ZHX2: variants seen among roughly 807,000 people sequenced by gnomAD.
The protein encoded by ZHX2 is zinc fingers and homeoboxes protein 2.
Under a neutral mutation model 21.9 loss-of-function variants are expected in ZHX2, and 6 were observed. The ratio of observed to expected loss-of-function variants is 0.27; its 90% CI spans 0.15 to 0.54. The LOEUF is 0.54. Ranked by LOEUF, ZHX2 falls within the 20% of genes least tolerant of loss-of-function variation. The probability of loss-of-function intolerance (pLI) is 0.95; values close to 1 mark genes in which losing one functional copy is unlikely to be tolerated. For missense variants in ZHX2, 908 were observed against 1,090.7 expected, an observed-to-expected ratio of 0.83 and a Z score of 2.36; for synonymous variants, 434 against 437.1, an observed-to-expected ratio of 0.99 and a Z score of 0.09.
chr8:122,919,415 C>T (rs1309522244), intron 2 of ZHX2, among the ~76,000 whole-genome samples: 1 of 152,162 alleles, frequency 6.6e-6, no homozygotes, highest in African/African-American at 2.4e-5. Context: ...GGAGCGTGAC[C>T]GTCATTCATT....
intron 2 of ZHX2, among the ~76,000 whole-genome samples, chr8:122,884,283 G>C (rs548482687): frequency 6.6e-6 from 1 of 152,296 alleles, no homozygotes; most frequent in African/African-American, 2.4e-5. Context: ...ATATGGCTCC[G>C]TTCAGTCGGA....
At chr8:122,808,659 T>C (rs1817868914) in intron 1 of ZHX2, 3 of 152,206 alleles carry the variant, frequency 2.0e-5, no homozygotes, top group Non-Finnish European at 4.4e-5. Context: ...GAGCACTGGC[T>C]GTGGTCAGGA....
chr8:122,913,552 C>T (rs1467086966), intron 2 of ZHX2, among the ~76,000 whole-genome samples: 1 of 152,184 alleles, frequency 6.6e-6, no homozygotes, highest in African/African-American at 2.4e-5. Context: ...AGGTGGGACT[C>T]TCCCTCTGAG....
Position 122,782,362 on chromosome 8 carries a change from A to G in ZHX2, c.-283+416A>G, listed in dbSNP as rs1405843544. On this transcript the variant is annotated intron_variant, in intron 1 of 3. Transcript: ENST00000314393. This position sits in a 1 kb window ranked among gnomAD's most constrained non-coding sequence, Gnocchi z 5.3. ...TACGTAGACCCGACTGTTTTTATTT[A>G]TTTATTTCGTGGCCGTCTCCCTCCC... Among the ~76,000 whole-genome samples the G allele has an allele frequency of 6.6e-6, 1 of 151,902 alleles. No individual in the cohort carries two copies. Among genetic ancestry groups the G allele is most frequent in the Non-Finnish European group, 1.5e-5 (1 of 67,938 alleles).
chr8:122,834,961 C>G (rs1161869071), intron 1 of ZHX2, among the ~76,000 whole-genome samples: 2 of 152,192 alleles, frequency 1.3e-5, no homozygotes, highest in Non-Finnish European at 2.9e-5. Flanking sequence ...TGGGGACTGC[C>G]TCCGCACCAG....
intron 2 of ZHX2, among the ~76,000 whole-genome samples, chr8:122,868,287 T>G (rs185607584): frequency 5.7e-4 from 86 of 152,212 alleles, no homozygotes; most frequent in African/African-American, 1.9e-3. Context: ...AAGTTTGCAA[T>G]GAAAATCTTC....
At chr8:122,930,009 G>A (rs73711262) in intron 2 of ZHX2, among the ~76,000 whole-genome samples, 4,475 of 152,210 alleles carry the variant, frequency 0.029, 150 homozygotes, top group African/African-American at 0.088. Context: ...CAGTCTTCCC[G>A]TTACCTGCTT....
chr8:122,918,445 C>G (rs559030102), intron 2 of ZHX2, among the ~76,000 whole-genome samples: 1 of 152,304 alleles, frequency 6.6e-6, no homozygotes, highest in East Asian at 1.9e-4. Flanking sequence ...ACAGCCACCA[C>G]CCTCAGTGCC....
intron 2 of ZHX2, among the ~76,000 whole-genome samples, chr8:122,918,963 A>T (rs935993483): frequency 2.6e-5 from 4 of 151,488 alleles, no homozygotes; most frequent in African/African-American, 9.7e-5. Context: ...AAAAAAAAAA[A>T]CTTTATTTAC....
chr8:122,797,306 G>A (rs895205741), intron 1 of ZHX2, among the ~76,000 whole-genome samples: 2 of 152,136 alleles, frequency 1.3e-5, no homozygotes, highest in African/African-American at 2.4e-5. Context: ...TGGCTTTCAG[G>A]CTGCTGGAGG....
intron 3 of ZHX2, among the ~76,000 whole-genome samples, chr8:122,963,254 C>T (rs1381113355): frequency 6.6e-6 from 1 of 152,060 alleles, no homozygotes; most frequent in Non-Finnish European, 1.5e-5. Flanking sequence ...TATGACTTCA[C>T]GTCTTAGATT....
At chr8:122,846,602 T>A (rs983548327) in intron 1 of ZHX2, among the ~76,000 whole-genome samples, 2 of 151,776 alleles carry the variant, frequency 1.3e-5, no homozygotes, top group Admixed American at 6.6e-5. Flanking sequence ...TCTGCTCATG[T>A]TTGAAAGTGA....
At position 122,843,802 on chromosome 8, in the gene ZHX2, TAGTC is replaced by T. The variant is rs1210938771; in HGVS notation, c.-282-19672_-282-19669del. Among the ~76,000 whole-genome samples the T allele has an allele frequency of 5.3e-5, 8 of 152,314 alleles. No individual in the cohort carries two copies. The South Asian group carries it at 6.2e-4, about 12-fold the overall frequency. On this transcript the variant is annotated intron_variant, in intron 1 of 3. Coordinates refer to ENST00000314393, the MANE Select transcript of ZHX2 (RefSeq NM_014943.5). ...TGAAACACTTCCAGCTGGTGGGTCTTAGTCAGGGAGCTTCTTTCTCCCTAATTTC... is the reference window on the plus strand; with the variant it reads ...TGAAACACTTCCAGCTGGTGGGTCTTAGGGAGCTTCTTTCTCCCTAATTTC...
intron 1 of ZHX2, among the ~76,000 whole-genome samples, chr8:122,827,597 C>T (rs1818289401): frequency 1.3e-5 from 2 of 151,856 alleles, no homozygotes; most frequent in Non-Finnish European, 2.9e-5. Flanking sequence ...ATCTGTCTGA[C>T]TTCAGAATCA....
At chr8:122,848,663 G>A (rs924885211) in intron 1 of ZHX2, among the ~76,000 whole-genome samples, 1 of 152,196 alleles carries the variant, frequency 6.6e-6, no homozygotes, top group African/African-American at 2.4e-5. Flanking sequence ...GTTTTGCCTG[G>A]ATTCCCATAT....
intron 2 of ZHX2, among the ~76,000 whole-genome samples, chr8:122,918,098 G>A (rs1459230442): frequency 6.6e-6 from 1 of 152,076 alleles, no homozygotes; most frequent in Non-Finnish European, 1.5e-5. Context: ...CTCTCACTTT[G>A]ACCCAGGCAC....
At chr8:122,923,337 C>G (rs898818845) in intron 2 of ZHX2, among the ~76,000 whole-genome samples, 8 of 152,208 alleles carry the variant, frequency 5.3e-5, no homozygotes, top group African/African-American at 1.9e-4. Context: ...GCGTCTGTCT[C>G]CCTGCTTGGG....
rs368973670 is a variant in ZHX2 at position 122,953,857 on chromosome 8, G to C, written c.2347G>C (p.Asp783His). Residue 783 changes from aspartate (D) to histidine (H), a missense_variant, in exon 3 of 4, where the codon GAC (aspartate) becomes CAC (histidine). Physicochemically the swap from Asp to His is moderately conservative, Grantham distance 81. Around this residue, in one of 4 missense-constraint regions of ZHX2, gnomAD observed 431 missense variants for 428.6 expected, o/e 1.01. Coordinates refer to ENST00000314393, the MANE Select transcript of ZHX2 (RefSeq NM_014943.5). The surrounding 1 kb of genome is among the most constrained non-coding windows in gnomAD (Gnocchi z 4.6). ...CAGCAGCCGGGACGGCCAGGGTAGC[G>C]ACGAGAACGAGGAGTCGAGCGTTGT... ...EGSSRDGQGS[D>H]ENEESSVVDY... 15 of 1,614,096 alleles carry C rather than the reference G, an allele frequency of 9.3e-6. No individual in the cohort carries two copies. The African/African-American group carries it at 1.9e-4, about 20-fold the overall frequency.
chr8:122,867,601 A>C (rs1356700196), intron 2 of ZHX2, among the ~76,000 whole-genome samples: 1 of 152,226 alleles, frequency 6.6e-6, no homozygotes, highest in East Asian at 1.9e-4. Context: ...GCTGGGAATA[A>C]GCTGTTTTTC....
Sources: allele counts gnomAD v4.1 joint callset (sites outside exome capture counted in the v4.1 genomes callset), GRCh38; gene constraint gnomAD v4.1.1; regional missense constraint gnomAD v4.1.1; non-coding constraint Gnocchi (gnomAD v3.1); transcripts MANE v1.5; gene names NCBI Gene and HGNC (gene_info 2026-07-23, HGNC 2026-07-21).